The following RFX7 variants were observed in gnomAD, a reference collection of about 807,000 sequenced individuals.
The protein encoded by RFX7 is regulatory factor X7, also known as DNA-binding protein RFX7.
RFX7 carries 26 observed loss-of-function variants against 111.8 expected under a neutral mutation model. The ratio of observed to expected loss-of-function variants is 0.23; its 90% CI spans 0.17 to 0.32. The LOEUF (loss-of-function observed/expected upper bound fraction) is 0.32. Ranked by LOEUF, RFX7 falls within the 10% of genes least tolerant of loss-of-function variation. The probability of loss-of-function intolerance (pLI) is 1.00; values close to 1 mark genes in which losing one functional copy is unlikely to be tolerated. For missense variants in RFX7, 1,573 were observed against 1,772.9 expected (o/e 0.89, Z 2.02); for synonymous variants, 624 against 624.4 (o/e 1.00, Z 0.01).
chr15:56,237,165 T>C (rs1456956077), intron 2 of RFX7, among the ~76,000 whole-genome samples: 1 of 152,236 alleles, frequency 6.6e-6, no homozygotes, highest in Non-Finnish European at 1.5e-5. Context: ...ACCTTCACGG[T>C]CACTTAGTAA....
intron 3 of RFX7, among the ~76,000 whole-genome samples, chr15:56,163,459 C>T (rs2042748240): frequency 2.0e-5 from 3 of 152,240 alleles, no homozygotes; most frequent in South Asian, 2.1e-4. Context: ...AAAAATTAAA[C>T]AACATTATTC....
Position 56,095,205 on chromosome 15 carries a change from T to C in RFX7, c.2523A>G (p.Glu841=). ...YSQQLHSQIQ[E]SSLNQIQAHS... is the part of the protein sequence containing the mutation. The stretch of plus-strand genomic sequence containing the variant: ...GTGCTTGTATTTGATTTAAAGAAGA[T>C]TCCTGTATCTGGCTATGTAGCTGCT... The change falls in exon 10 of 10, where the codon GAA becomes GAG. Residue 841 remains glutamate (E), a synonymous_variant. Transcript: ENST00000559447. 6.2e-7 allele frequency: 1 copy of C among 1,613,948 alleles called. No homozygotes were observed. Among genetic ancestry groups the C allele is most frequent in the Non-Finnish European group, 8.5e-7 (1 of 1,179,832 alleles).
chr15:56,177,299 T>C (rs2042913540), intron 3 of RFX7, among the ~76,000 whole-genome samples: 1 of 152,156 alleles, frequency 6.6e-6, no homozygotes, highest in Non-Finnish European at 1.5e-5. Flanking sequence ...TATCTAAGGT[T>C]ACCCTACCCA....
chr15:56,204,122 G>A (rs1272427651), intron 2 of RFX7, among the ~76,000 whole-genome samples: 1 of 151,288 alleles, frequency 6.6e-6, no homozygotes, highest in Non-Finnish European at 1.5e-5. Context: ...CCGGGTTCAG[G>A]TGATTCTCCT....
intron 3 of RFX7, among the ~76,000 whole-genome samples, chr15:56,161,029 G>T (rs923833813): frequency 7.2e-5 from 11 of 151,898 alleles, no homozygotes; most frequent in African/African-American, 1.9e-4. Flanking sequence ...TAAACCTATT[G>T]AATTAGGTAT....
chr15:56,144,570 A>G (rs1466817034), intron 3 of RFX7, 87 bp from the exon 4 acceptor site: 5 of 495,318 alleles, frequency 1.0e-5, no homozygotes, highest in African/African-American at 9.9e-5. Flanking sequence ...TCCCTAAACG[A>G]TAATGACTAT....
chr15:56,152,283 A>C (rs1311503562), intron 3 of RFX7, among the ~76,000 whole-genome samples: 1 of 152,196 alleles, frequency 6.6e-6, no homozygotes, highest in East Asian at 1.9e-4. Context: ...CTTATGCTAA[A>C]ACTGACCACA....
At chr15:56,244,794 C>T (rs1166350616), upstream of RFX7, among the ~76,000 whole-genome samples, 3 of 151,950 alleles carry the variant, frequency 2.0e-5, no homozygotes, top group African/African-American at 7.2e-5. Flanking sequence ...GAACACCCGC[C>T]CTCCCCCCGC....
intron 3 of RFX7, among the ~76,000 whole-genome samples, chr15:56,168,551 G>A (rs1477063324): frequency 6.6e-6 from 1 of 152,130 alleles, no homozygotes; most frequent in East Asian, 1.9e-4. Context: ...CAAGAAAGTT[G>A]GGGCCCTTAA....
At chr15:56,110,377 G>A in intron 5 of RFX7, among the ~76,000 whole-genome samples, 2 of 107,184 alleles carry the variant, frequency 1.9e-5, no homozygotes, top group Non-Finnish European at 4.0e-5. Flanking sequence ...GGTGGGGGGG[G>A]TCAGCCCCCC....
intron 5 of RFX7, among the ~76,000 whole-genome samples, chr15:56,109,014 A>C (rs1258574080): frequency 2.8e-5 from 4 of 144,662 alleles, no homozygotes; most frequent in Admixed American, 7.0e-5. Context: ...CAAGAACTAC[A>C]AACCTTCTCC....
At chr15:56,113,626 G>A (rs1291473458) in intron 5 of RFX7, among the ~76,000 whole-genome samples, 1 of 150,178 alleles carries the variant, frequency 6.7e-6, no homozygotes, top group Admixed American at 6.7e-5. Context: ...TAACAAACCT[G>A]CACATTCTGC....
upstream of RFX7, among the ~76,000 whole-genome samples, chr15:56,244,856 C>T (rs943073477): frequency 1.1e-4 from 17 of 148,794 alleles, no homozygotes; most frequent in Non-Finnish European, 1.5e-4. Context: ...GATAGCTTTG[C>T]CACAAATAAG....
chr15:56,142,798 C>T lies in RFX7; in HGVS notation c.381G>A (p.Gln127=). ...CTTACTTGTACTCATCATAGACTTCCTGTTTGGGCAGTGAAGTCTCCGGAT... is the reference window on the plus strand; with the variant it reads ...CTTACTTGTACTCATCATAGACTTCTTGTTTGGGCAGTGAAGTCTCCGGAT... The part of the protein sequence containing the change: ...EEHPETSLPK[Q]EVYDEYKSYC... The change falls in exon 5 of 10, where the codon CAG becomes CAA. Residue 127 remains glutamine (Q), a synonymous_variant. Transcript: ENST00000559447. 1 of 1,613,248 alleles carries T rather than the reference C, an allele frequency of 6.2e-7. No individual in the cohort carries two copies. Among genetic ancestry groups the T allele is most frequent in the Non-Finnish European group, 8.5e-7 (1 of 1,179,498 alleles).
At chr15:56,190,905 C>G (rs191368574) in intron 2 of RFX7, among the ~76,000 whole-genome samples, 7 of 152,200 alleles carry the variant, frequency 4.6e-5, no homozygotes, top group Non-Finnish European at 8.8e-5. Flanking sequence ...AGGGAAGACA[C>G]GGCATTCAAG....
chr15:56,165,631 G>A (rs907220734), intron 3 of RFX7, among the ~76,000 whole-genome samples: 1 of 152,124 alleles, frequency 6.6e-6, no homozygotes, highest in African/African-American at 2.4e-5. Flanking sequence ...TTTTTGACCA[G>A]GTGAGTTTAC....
At chr15:56,191,641 T>C (rs1397353869) in intron 2 of RFX7, among the ~76,000 whole-genome samples, 1 of 152,196 alleles carries the variant, frequency 6.6e-6, no homozygotes, top group East Asian at 1.9e-4. Flanking sequence ...TAAAAGACTG[T>C]ATTTTATTAG....
intron 3 of RFX7, among the ~76,000 whole-genome samples, chr15:56,174,793 C>T (rs1349446902): frequency 1.3e-5 from 2 of 151,812 alleles, no homozygotes; most frequent in African/African-American, 2.4e-5. Context: ...AAAAAAAAAA[C>T]TCTTAGCAAA....
At chr15:56,221,079 C>A (rs544097207) in intron 2 of RFX7, among the ~76,000 whole-genome samples, 1 of 152,152 alleles carries the variant, frequency 6.6e-6, no homozygotes. Flanking sequence ...GTTACTGTAG[C>A]CTTGTATTAC....
Sources: allele counts gnomAD v4.1 joint callset (sites outside exome capture counted in the v4.1 genomes callset), GRCh38; gene constraint gnomAD v4.1.1; transcripts MANE v1.5; gene names NCBI Gene and HGNC (gene_info 2026-07-23, HGNC 2026-07-21).